The following UGT2B11 variants were observed in gnomAD, a reference collection of about 807,000 sequenced individuals.
UGT2B11 encodes the protein UDP glucuronosyltransferase family 2 member B11, also known as UDP-glucuronosyltransferase 2B11.
Under a neutral mutation model 51.7 loss-of-function variants are expected in UGT2B11, and 49 were observed. That is an observed-to-expected ratio of 0.95 (90% CI 0.75 to 1.20). The LOEUF is 1.20. UGT2B11 is among the 50% of genes most tolerant of loss of function. The pLI is 0.00. For synonymous variants in UGT2B11, 273 were observed against 209.0 expected, an observed-to-expected ratio of 1.31 and a Z score of -2.64; for missense variants, 810 against 622.1, an observed-to-expected ratio of 1.30 and a Z score of -3.21.
At chr4:69,203,013 A>G (rs953224960) in intron 5 of UGT2B11, among the ~76,000 whole-genome samples, 1 of 151,648 alleles carries the variant, frequency 6.6e-6, no homozygotes, top group African/African-American at 2.4e-5. Context: ...AACAAAATCA[A>G]TTATTAAAAA....
intron 5 of UGT2B11, among the ~76,000 whole-genome samples, chr4:69,203,019 A>G (rs1254682892): frequency 6.6e-6 from 1 of 151,684 alleles, no homozygotes; most frequent in Admixed American, 6.6e-5. Context: ...ATCAATTATT[A>G]AAAATTTAAC....
intron 1 of UGT2B11, among the ~76,000 whole-genome samples, chr4:69,213,320 T>A (rs1722144656): frequency 6.6e-6 from 1 of 151,798 alleles, no homozygotes; most frequent in Non-Finnish European, 1.5e-5. Flanking sequence ...AGAACTGTAC[T>A]CAACCTTAAT....
intron 3 of UGT2B11, among the ~76,000 whole-genome samples, chr4:69,206,649 T>C (rs1447492914): frequency 3.3e-5 from 5 of 151,588 alleles, no homozygotes; most frequent in South Asian, 4.1e-4. Context: ...GTTAAATTAA[T>C]TTAATTTAAA....
chr4:69,204,857 T>C (rs1464159722), intron 4 of UGT2B11, among the ~76,000 whole-genome samples: 2 of 151,744 alleles, frequency 1.3e-5, no homozygotes, highest in Non-Finnish European at 2.9e-5. Flanking sequence ...CAAAACTTAA[T>C]ACAAGATTTT....
At chr4:69,215,895 A>T (rs1370230306), upstream of UGT2B11, 2 of 152,062 alleles carry the variant, frequency 1.3e-5, no homozygotes, top group African/African-American at 4.8e-5. Flanking sequence ...GAATAAATTA[A>T]ATAATAACTT....
rs148526499 is a variant in UGT2B11 at position 69,214,237 on chromosome 4, C to G, written c.486G>C (p.Ala162=). The G allele has an allele frequency of 6.2e-7, 1 of 1,613,174 alleles. No individual in the cohort carries two copies. The highest frequency in any genetic ancestry group is 8.5e-7 in the Non-Finnish European group (1 of 1,179,468). ...AVFPCGELLA[A]LLNIRFVYSL... is the part of the protein sequence containing the mutation. The stretch of plus-strand genomic sequence containing the variant: ...TGTACACAAACCGTATGTTAAGTAG[C>G]GCAGCCAGCAGCTCACCACAGGGAA... Residue 162 remains alanine (A), a synonymous_variant, in exon 1 of 6, where the codon GCG becomes GCC. Coordinates refer to ENST00000446444, the MANE Select transcript of UGT2B11 (RefSeq NM_001073.3).
chr4:69,201,224 A>AC (rs1721647799), intron 5 of UGT2B11: 1 of 152,090 alleles, frequency 6.6e-6, no homozygotes, highest in African/African-American at 2.4e-5. Flanking sequence ...TGTAAGAAAG[A>AC]CTATGAAAAT....
chr4:69,202,058 G>T (rs1218006673), intron 5 of UGT2B11, among the ~76,000 whole-genome samples: 1 of 151,692 alleles, frequency 6.6e-6, no homozygotes, highest in African/African-American at 2.4e-5. Context: ...TTATGTAATT[G>T]AATTACATAA....
At chr4:69,215,497 T>C (rs1722242375), upstream of UGT2B11, 1 of 152,062 alleles carries the variant, frequency 6.6e-6, no homozygotes, top group Non-Finnish European at 1.5e-5. Flanking sequence ...CAGATGCTAT[T>C]TATAAACACA....
chr4:69,202,873 G>A (rs1263516947), intron 5 of UGT2B11, among the ~76,000 whole-genome samples: 1 of 151,544 alleles, frequency 6.6e-6, no homozygotes, highest in Non-Finnish European at 1.5e-5. Flanking sequence ...TTGGGATAAA[G>A]TATTTTTAAA....
intron 5 of UGT2B11, among the ~76,000 whole-genome samples, chr4:69,202,902 C>T (rs1263426400): frequency 6.6e-6 from 1 of 151,502 alleles, no homozygotes; most frequent in African/African-American, 2.4e-5. Flanking sequence ...TTAGATGATA[C>T]CCTCCTTACA....
chr4:69,203,879 T>C (rs1401944743), intron 5 of UGT2B11, among the ~76,000 whole-genome samples: 1 of 151,556 alleles, frequency 6.6e-6, no homozygotes, highest in Admixed American at 6.6e-5. Context: ...TTGCAGTTTC[T>C]TTTGTGTTGA....
the UGT2B11 span, among the ~76,000 whole-genome samples, chr4:69,222,320 G>A: frequency 2.0e-5 from 3 of 152,354 alleles, no homozygotes; most frequent in Middle Eastern, 3.4e-3. Context: ...TGCTTTCTTA[G>A]GGCCTTCCTT....
At chr4:69,201,012 A>C (rs1721639072) in intron 5 of UGT2B11, among the ~76,000 whole-genome samples, 1 of 149,882 alleles carries the variant, frequency 6.7e-6, no homozygotes, top group African/African-American at 2.5e-5. Flanking sequence ...TTTAATGTTA[A>C]GTTTTTGTGG....
intron 4 of UGT2B11, 54 bp downstream of exon 4, chr4:69,205,426 A>G: frequency 3.2e-6 from 5 of 1,573,878 alleles, no homozygotes; most frequent in Non-Finnish European, 4.3e-6. Flanking sequence ...TGTTTCATTA[A>G]CCCTCTAATG....
chr4:69,205,583 G>C lies in UGT2B11; in HGVS notation c.1003-16C>G. ...TCCACAGAACCTGTTACAGTAAAGA[G>C]AATATCTTATTCCATGAGTGGAACT... On this transcript the variant is annotated splice_polypyrimidine_tract_variant and intron_variant, in intron 3 of 5. Coordinates refer to ENST00000446444, the MANE Select transcript of UGT2B11 (RefSeq NM_001073.3). The C allele has an allele frequency of 6.2e-7, 1 of 1,607,018 alleles. No individual in the cohort carries two copies. The highest frequency in any genetic ancestry group is 2.2e-5 in the East Asian group (1 of 44,612).
At chr4:69,209,287 T>C (rs1721970955) in intron 2 of UGT2B11, among the ~76,000 whole-genome samples, 1 of 151,670 alleles carries the variant, frequency 6.6e-6, no homozygotes, top group African/African-American at 2.4e-5. Context: ...ATTGATGTGC[T>C]ATTTCTAACT....
upstream of UGT2B11, among the ~76,000 whole-genome samples, chr4:69,217,734 TGAGACTGCATGTC>T (rs142997480): frequency 1.8e-3 from 269 of 152,216 alleles, 2 homozygotes; most frequent in African/African-American, 6.4e-3. Flanking sequence ...AAACCTATGC[TGAGACTGCATGTC>T]TCAGCATGCT....
chr4:69,213,950 C>G, intron 1 of UGT2B11, 52 bp downstream of exon 1: 1 of 1,501,364 alleles, frequency 6.7e-7, no homozygotes, highest in Non-Finnish European at 8.9e-7. Flanking sequence ...AGCTCTGCTT[C>G]AAAGACACAA....
Sources: gnomAD v4.1 joint callset for allele counts (sites outside exome capture counted in the v4.1 genomes callset) on GRCh38, gnomAD v4.1.1 for gene constraint, MANE v1.5 for transcripts, NCBI Gene and HGNC (gene_info 2026-07-23, HGNC 2026-07-21) for gene names.